RBFOX1: variants seen among roughly 807,000 people sequenced by gnomAD.
RBFOX1 encodes the protein RNA binding protein fox-1 homolog 1.
RBFOX1 carries 8 observed loss-of-function variants against 57.7 expected under a neutral mutation model. That is an observed-to-expected ratio of 0.14 (90% CI 0.08 to 0.25). RBFOX1 has a LOEUF of 0.25. RBFOX1 is among the 10% of genes least tolerant of loss of function. The pLI is 1.00. For synonymous variants in RBFOX1, 326 were observed against 222.4 expected (o/e 1.47, Z -4.15); for missense variants, 611 against 548.5 (o/e 1.11, Z -1.14).
chr16:6,560,820 C>G (rs759124020), intron 2 of RBFOX1, among the ~76,000 whole-genome samples: 1 of 152,132 alleles, frequency 6.6e-6, no homozygotes, highest in Non-Finnish European at 1.5e-5. Context: ...GTCTGACTTG[C>G]TCTTCATGGA....
At chr16:7,283,994 C>T (rs1948805112) in intron 4 of RBFOX1, among the ~76,000 whole-genome samples, 1 of 152,200 alleles carries the variant, frequency 6.6e-6, no homozygotes, top group South Asian at 2.1e-4. Context: ...TCTGTCTCTA[C>T]AGTGTTGGTG....
chr16:7,423,026 G>C (rs1031774721), intron 4 of RBFOX1: 2 of 152,088 alleles, frequency 1.3e-5, no homozygotes, highest in African/African-American at 4.8e-5. Flanking sequence ...CTTCACACCT[G>C]GGGTGAGTTT....
rs115464383 is a variant in RBFOX1, at chr16:6,864,212, A to G, written c.-15-187845A>G. Among the ~76,000 whole-genome samples, 905 of 152,208 alleles carry G rather than the reference A, an allele frequency of 5.9e-3. 7 individuals carry two copies. Among genetic ancestry groups the G allele is most frequent in the African/African-American group, 0.012 (508 of 41,544 alleles). On this transcript the variant is annotated intron_variant, in intron 3 of 15. Transcript: ENST00000550418. ...CATAAATAATTCACTTTTTTCTTCT[A>G]TGTCACTGTATTCCTAGGGTTCTTC...
At chr16:7,460,439 ATATG>A (rs1370714590) in intron 4 of RBFOX1, among the ~76,000 whole-genome samples, 2 of 138,548 alleles carry the variant, frequency 1.4e-5, no homozygotes, top group Admixed American at 7.4e-5. Flanking sequence ...GTGTGTGTAT[ATATG>A]TATGTGTGTA....
chr16:6,057,614 G>T lies in RBFOX1; in HGVS notation c.-127+37622G>T, dbSNP rs376013172. 2.6e-5 allele frequency among the ~76,000 whole-genome samples: 4 copies of T among 152,076 alleles called. No individual in the cohort carries two copies. In the South Asian group the frequency reaches 8.3e-4, roughly 32 times the overall value. ...CCAAAGACACTGAGCCAAGAATGCC[G>T]CCAGGCGTTTAAGGATGTATATTGT... On this transcript the variant is annotated intron_variant, in intron 1 of 15. Transcript: ENST00000550418.
intron 3 of RBFOX1, among the ~76,000 whole-genome samples, chr16:6,975,866 C>G (rs952028428): frequency 6.6e-6 from 1 of 152,098 alleles, no homozygotes; most frequent in Non-Finnish European, 1.5e-5. Flanking sequence ...GTGGTGCACA[C>G]CTGTAATCGC....
intron 3 of RBFOX1, among the ~76,000 whole-genome samples, chr16:6,655,128 C>A (rs1166752392): frequency 1.3e-5 from 2 of 151,622 alleles, no homozygotes; most frequent in Non-Finnish European, 2.9e-5. Context: ...AATCCCAACA[C>A]TTTGGGAGGC....
chr16:5,502,128 A>C (rs1404195118), intron 2 of RBFOX1, among the ~76,000 whole-genome samples: 1 of 152,112 alleles, frequency 6.6e-6, no homozygotes, highest in Non-Finnish European at 1.5e-5. Flanking sequence ...AGGTGGTTGT[A>C]GGGTTAGCTA....
At chr16:5,472,834 T>C (rs1484238599) in intron 2 of RBFOX1, among the ~76,000 whole-genome samples, 4 of 152,216 alleles carry the variant, frequency 2.6e-5, no homozygotes, top group Non-Finnish European at 2.9e-5. Flanking sequence ...TGCACGCCTG[T>C]CTGCATAGGT....
At chr16:7,125,801 A>C (rs977063534) in intron 4 of RBFOX1, among the ~76,000 whole-genome samples, 1 of 152,144 alleles carries the variant, frequency 6.6e-6, no homozygotes, top group Non-Finnish European at 1.5e-5. Flanking sequence ...TTACATGAAT[A>C]GCCAGGCGAA....
At chr16:6,521,713 A>G (rs575801419) in intron 2 of RBFOX1, among the ~76,000 whole-genome samples, 1 of 151,826 alleles carries the variant, frequency 6.6e-6, no homozygotes, top group East Asian at 1.9e-4. Context: ...CAACAACAAG[A>G]AAAAAAAATT....
At chr16:5,615,031 C>A (rs1376667551) in intron 3 of RBFOX1, among the ~76,000 whole-genome samples, 4 of 152,148 alleles carry the variant, frequency 2.6e-5, no homozygotes, top group African/African-American at 9.7e-5. Flanking sequence ...GTGTAGCATT[C>A]AGCTCAGTTT....
chr16:7,462,375 A>C (rs2059741854), intron 4 of RBFOX1, among the ~76,000 whole-genome samples: 1 of 152,192 alleles, frequency 6.6e-6, no homozygotes, highest in Non-Finnish European at 1.5e-5. Flanking sequence ...GGCTCCTTTA[A>C]TCCCAGCTAC....
At chr16:5,948,230 G>C (rs1343130424) in intron 4 of RBFOX1, among the ~76,000 whole-genome samples, 1 of 152,126 alleles carries the variant, frequency 6.6e-6, no homozygotes, top group East Asian at 1.9e-4. Context: ...GACCGAGCTG[G>C]GCAGGTGGGT....
intron 3 of RBFOX1, among the ~76,000 whole-genome samples, chr16:6,887,472 T>G (rs1486294455): frequency 6.6e-6 from 1 of 152,180 alleles, no homozygotes; most frequent in Non-Finnish European, 1.5e-5. Context: ...TCGCATCATG[T>G]TTTCTGGCTT....
intron 3 of RBFOX1, among the ~76,000 whole-genome samples, chr16:7,018,125 G>C (rs1022494222): frequency 6.6e-6 from 1 of 152,088 alleles, no homozygotes; most frequent in African/African-American, 2.4e-5. Flanking sequence ...GTCTTAGGAA[G>C]GGAAGCCCAT....
At chr16:5,242,331 G>A (rs1430264528) in intron 1 of RBFOX1, among the ~76,000 whole-genome samples, 1 of 152,210 alleles carries the variant, frequency 6.6e-6, no homozygotes, top group East Asian at 1.9e-4. Context: ...CTTGTTTCCT[G>A]AATCTGAATA....
intron 4 of RBFOX1, among the ~76,000 whole-genome samples, chr16:5,899,288 A>G (rs1336732448): frequency 6.6e-6 from 1 of 152,076 alleles, no homozygotes; most frequent in Non-Finnish European, 1.5e-5. Flanking sequence ...TCAAAGGATC[A>G]TACAAACAGA....
At chr16:6,012,324 G>A (rs184353019) in intron 4 of RBFOX1, among the ~76,000 whole-genome samples, 3 of 152,316 alleles carry the variant, frequency 2.0e-5, no homozygotes, top group African/African-American at 7.2e-5. Context: ...TATGCTAATT[G>A]CTATTCATAT....
Sources: allele counts gnomAD v4.1 joint callset (sites outside exome capture counted in the v4.1 genomes callset), GRCh38; gene constraint gnomAD v4.1.1; transcripts MANE v1.5; gene names NCBI Gene and HGNC (gene_info 2026-07-23, HGNC 2026-07-21).